Variants in BARD1 observed in about 807,000 individuals in gnomAD.
BARD1 encodes the protein BRCA1-associated RING domain protein 1.
Under a neutral mutation model 77.0 loss-of-function variants are expected in BARD1, and 73 were observed. The observed-to-expected ratio is 0.95, with a 90% CI of 0.79 to 1.15. The LOEUF is 1.15. Among genes scored for constraint, BARD1 ranks in the 50% most tolerant of loss-of-function variants. The probability of loss-of-function intolerance (pLI) is 0.00; values close to 1 mark genes in which losing one functional copy is unlikely to be tolerated. For missense variants in BARD1, 993 were observed against 938.8 expected, an observed-to-expected ratio of 1.06 and a Z score of -0.75; for synonymous variants, 384 against 338.0, an observed-to-expected ratio of 1.14 and a Z score of -1.49.
In BARD1 at chr2:214,794,472, C is replaced by CA. The variant is rs538481913; in HGVS notation, c.216-2028dup. Reference sequence around the variant, plus strand: ...TTCCATTCAGCAAGACAGAGATTTGCAAAAATGTACAACAGTGCCACTCTA... The same window carrying CA: ...TTCCATTCAGCAAGACAGAGATTTGCAAAAAATGTACAACAGTGCCACTCTA... On this transcript the variant is annotated intron_variant, in intron 2 of 10. Transcript: ENST00000260947. 1.6e-3 allele frequency among the ~76,000 whole-genome samples: 242 copies of CA among 152,210 alleles called. 2 individuals carry two copies. The highest frequency in any genetic ancestry group is 5.3e-3 in the African/African-American group (221 of 41,530).
At chr2:214,806,772 G>T (rs766981700) in intron 1 of BARD1, among the ~76,000 whole-genome samples, 1 of 151,622 alleles carries the variant, frequency 6.6e-6, no homozygotes, top group Non-Finnish European at 1.5e-5. Context: ...TACTCAGGAG[G>T]CTGAGGCAAG....
intron 4 of BARD1, 72 bp from the exon 5 acceptor site, chr2:214,769,384 G>A: frequency 1.7e-6 from 2 of 1,150,228 alleles, no homozygotes; most frequent in South Asian, 2.5e-5. Flanking sequence ...TTTTTTAAAT[G>A]CTGCCTTCTT....
At chr2:214,751,272 C>T (rs968785523) in intron 7 of BARD1, among the ~76,000 whole-genome samples, 1 of 144,546 alleles carries the variant, frequency 6.9e-6, no homozygotes, top group Non-Finnish European at 1.5e-5. Flanking sequence ...ATTATCGTGC[C>T]TCAGTCTCCC....
At chr2:214,786,127 C>T (rs1274873376) in intron 3 of BARD1, among the ~76,000 whole-genome samples, 1 of 151,794 alleles carries the variant, frequency 6.6e-6, no homozygotes, top group African/African-American at 2.4e-5. Flanking sequence ...TAGTCTTATT[C>T]CTAAGGGATA....
rs749473441 is a variant in BARD1 at position 214,792,309 on chromosome 2, T to G, written c.352A>C (p.Asn118His). The change falls in exon 3 of 11, where the codon AAT (asparagine) becomes CAT (histidine). Residue 118 changes from asparagine to histidine, a missense_variant. Transcript: ENST00000260947. ...CSKLRNLLHDNELSDLKEDKP... is the reference protein window; with the variant it reads ...CSKLRNLLHDHELSDLKEDKP... ...GGATAGTTCTTACCTGACAGCTCAT[T>G]GTCATGTAGCAAATTTCGAAGCTTA... 4 of 1,613,480 alleles carry G rather than the reference T, an allele frequency of 2.5e-6. No homozygotes were observed. The highest frequency in any genetic ancestry group is 2.2e-5 in the South Asian group (2 of 91,058).
chr2:214,729,044 C>A, intron 10 of BARD1, 36 bp from the exon 11 acceptor site: 2 of 1,591,024 alleles, frequency 1.3e-6, no homozygotes, highest in South Asian at 2.2e-5. Flanking sequence ...AAAGGCAGAT[C>A]AAAATACTGT....
At position 214,728,299 on chromosome 2, in the gene BARD1, AAAG is replaced by A; in HGVS notation, c.*374_*376del. ...TGTTTACTAAAAAAAAAAAAAAAAA[AAAG>A]GCAAGTTTTTTCACTGGTGGCAGGT... is the stretch of plus-strand genomic sequence containing the variant. On this transcript the variant is annotated 3_prime_UTR_variant, in exon 11 of 11. Transcript: ENST00000260947. The A allele has an allele frequency of 4.1e-6, 1 of 244,952 alleles. No individual in the cohort carries two copies. Among genetic ancestry groups the A allele is most frequent in the Non-Finnish European group, 7.9e-6 (1 of 126,288 alleles). The allele number at this position is 244,952 out of a possible 1,614,324, so 15.2% of individuals were successfully genotyped here.
intron 4 of BARD1, among the ~76,000 whole-genome samples, chr2:214,778,272 T>C (rs1020220923): frequency 7.0e-6 from 1 of 143,734 alleles, no homozygotes; most frequent in African/African-American, 2.6e-5. Flanking sequence ...TTTAAGGATA[T>C]ATTTATTAAA....
chr2:214,750,558 G>A (rs1693358672), intron 7 of BARD1, among the ~76,000 whole-genome samples: 1 of 152,104 alleles, frequency 6.6e-6, no homozygotes, highest in Admixed American at 6.6e-5. Flanking sequence ...CTGCAGTGGG[G>A]AATGTTGGCT....
At position 214,753,433 on chromosome 2, in the gene BARD1, T is replaced by C. The variant is rs116292219; in HGVS notation, c.1569-878A>G. ...TTCAAAATGAGCAATTCTTTTATAGTCTTCTATGTTTTTTTTAAAGATTAT... is the reference window on the plus strand; with the variant it reads ...TTCAAAATGAGCAATTCTTTTATAGCCTTCTATGTTTTTTTTAAAGATTAT... On this transcript the variant is annotated intron_variant, in intron 6 of 10. Coordinates refer to ENST00000260947, the MANE Select transcript of BARD1 (RefSeq NM_000465.4). 3.4e-3 allele frequency among the ~76,000 whole-genome samples: 515 copies of C among 152,280 alleles called. 4 individuals carry two copies. The highest frequency in any genetic ancestry group is 0.012 in the African/African-American group (497 of 41,566).
intron 9 of BARD1, among the ~76,000 whole-genome samples, chr2:214,736,368 T>A (rs1212140634): frequency 6.6e-6 from 1 of 152,136 alleles, no homozygotes; most frequent in African/African-American, 2.4e-5. Flanking sequence ...GTGATTTTTT[T>A]ATTTTCCTCA....
rs1036544558 is a variant in BARD1 at position 214,745,752 on chromosome 2, C to A, written c.1780G>T (p.Ala594Ser). The part of the protein sequence containing the change: ...MLSELAVILK[A>S]KKYTEFDSTV... ...CTGTCAAACTCAGTATATTTTTTAG[C>A]CTTAAGAATTACTGCAAGCTCACTG... Residue 594 changes from alanine to serine, a missense_variant, in exon 8 of 11, where the codon GCT becomes TCT. Physicochemically the swap from Ala to Ser is moderately conservative, Grantham distance 99. Transcript: ENST00000260947. The A allele has an allele frequency of 5.0e-6, 8 of 1,613,872 alleles. No homozygotes were observed. The highest frequency in any genetic ancestry group is 6.8e-6 in the Non-Finnish European group (8 of 1,179,964).
At chr2:214,770,543 A>C (rs534454678) in intron 4 of BARD1, among the ~76,000 whole-genome samples, 2 of 152,360 alleles carry the variant, frequency 1.3e-5, no homozygotes, top group East Asian at 3.9e-4. Context: ...CAAGGCAAGG[A>C]AAATACTCTG....
At chr2:214,775,457 G>A (rs770403402) in intron 4 of BARD1, among the ~76,000 whole-genome samples, 1 of 152,118 alleles carries the variant, frequency 6.6e-6, no homozygotes, top group African/African-American at 2.4e-5. Flanking sequence ...AGGGTTTGTG[G>A]TGCCCCAAAG....
intron 9 of BARD1, among the ~76,000 whole-genome samples, chr2:214,735,913 G>A (rs60914835): frequency 0.12 from 17,495 of 152,000 alleles, 1,305 homozygotes; most frequent in African/African-American, 0.21. Context: ...CACTCAGGAC[G>A]TCTATGATTA....
intron 1 of BARD1, among the ~76,000 whole-genome samples, chr2:214,806,274 T>A (rs974421024): frequency 3.9e-5 from 6 of 152,184 alleles, no homozygotes; most frequent in African/African-American, 1.4e-4. Context: ...GCAAGCTGAA[T>A]GTGAGGGTAA....
intron 5 of BARD1, 121 bp from the exon 6 acceptor site, chr2:214,767,775 A>G (rs868374179): frequency 3.5e-6 from 3 of 867,812 alleles, no homozygotes; most frequent in Middle Eastern, 5.9e-4. Context: ...ATTGTTACCT[A>G]AATACTCAAA....
chr2:214,781,736 AC>A (rs941009387), intron 3 of BARD1, among the ~76,000 whole-genome samples: 17 of 152,198 alleles, frequency 1.1e-4, no homozygotes, highest in Non-Finnish European at 2.4e-4. Flanking sequence ...ATAGCAGAGA[AC>A]AAAACATGAA....
chr2:214,728,751 G>A lies in BARD1; in HGVS notation c.2259C>T (p.Gly753=), dbSNP rs753441393. 1.2e-6 allele frequency: 2 copies of A among 1,614,162 alleles called. No individual in the cohort carries two copies. The highest frequency in any genetic ancestry group is 2.2e-5 in the South Asian group (2 of 91,080). The part of the protein sequence containing the change: ...CNYHPERVRQ[G]KVWKAPSSWF... ...AGCTCGAAGGAGCCTTCCAGACTTTGCCCTGCCGAACCCTCTCTGGGTGAT... is the reference window on the plus strand; with the variant it reads ...AGCTCGAAGGAGCCTTCCAGACTTTACCCTGCCGAACCCTCTCTGGGTGAT... Residue 753 remains glycine (G), a synonymous_variant, in exon 11 of 11, where the codon GGC becomes GGT. Coordinates refer to ENST00000260947, the MANE Select transcript of BARD1 (RefSeq NM_000465.4).
Sources: allele counts gnomAD v4.1 joint callset (sites outside exome capture counted in the v4.1 genomes callset), GRCh38; gene constraint gnomAD v4.1.1; transcripts MANE v1.5; gene names NCBI Gene and HGNC (gene_info 2026-07-23, HGNC 2026-07-21).